Variants in LHFPL3 observed in about 807,000 individuals in gnomAD.
The protein encoded by LHFPL3 is LHFPL tetraspan subfamily member 3.
A neutral mutation model predicts 19.3 loss-of-function variants in LHFPL3; 5 were observed. The observed-to-expected ratio is 0.26, with a 90% CI of 0.14 to 0.54. The LOEUF is 0.54. LHFPL3 is among the 20% of genes least tolerant of loss of function. The pLI is 0.94. For missense variants in LHFPL3, 249 were observed against 307.4 expected, an observed-to-expected ratio of 0.81 and a Z score of 1.42; for synonymous variants, 133 against 126.2, an observed-to-expected ratio of 1.05 and a Z score of -0.36.
At chr7:104,758,096 C>T (rs190132041) in intron 2 of LHFPL3, among the ~76,000 whole-genome samples, 46 of 152,238 alleles carry the variant, frequency 3.0e-4, no homozygotes, top group Non-Finnish European at 6.2e-4. Flanking sequence ...AGCGAATTAA[C>T]AGAGGAACAA....
chr7:104,402,102 C>A (rs1252950505), intron 1 of LHFPL3, among the ~76,000 whole-genome samples: 26 of 146,540 alleles, frequency 1.8e-4, no homozygotes, highest in East Asian at 6.4e-4. Context: ...AAAAAAAAAA[C>A]AAAAAACAAC....
At position 104,633,447 on chromosome 7, in the gene LHFPL3, G is replaced by T. The variant is rs951680975; in HGVS notation, c.446-103228G>T. ...TCAGGATTAAACAAGTCTACCTGGG[G>T]CCTTCCCATAGGATGATGACTCTAA... On this transcript the variant is annotated intron_variant, in intron 1 of 2. Transcript: ENST00000424859. Among the ~76,000 whole-genome samples, 4 of 152,258 alleles carry T rather than the reference G, an allele frequency of 2.6e-5. No individual in the cohort carries two copies. In the South Asian group the frequency reaches 8.3e-4, roughly 32 times the overall value.
intron 1 of LHFPL3, among the ~76,000 whole-genome samples, chr7:104,607,410 T>C (rs1340392970): frequency 6.6e-6 from 1 of 152,192 alleles, no homozygotes; most frequent in African/African-American, 2.4e-5. Context: ...TGAAAACACA[T>C]CAAGCAATCC....
intron 1 of LHFPL3, among the ~76,000 whole-genome samples, chr7:104,586,152 G>C (rs1790571835): frequency 6.6e-6 from 1 of 152,070 alleles, no homozygotes; most frequent in Non-Finnish European, 1.5e-5. Flanking sequence ...ATTCACTTAT[G>C]TTCATTTAGA....
chr7:104,715,015 G>T (rs967631302), intron 1 of LHFPL3, among the ~76,000 whole-genome samples: 1 of 152,106 alleles, frequency 6.6e-6, no homozygotes, highest in Non-Finnish European at 1.5e-5. Context: ...TAGCTAAACT[G>T]TGAAAAAGTG....
chr7:104,387,446 T>C (rs1053362244), intron 1 of LHFPL3, among the ~76,000 whole-genome samples: 1 of 152,080 alleles, frequency 6.6e-6, no homozygotes, highest in Non-Finnish European at 1.5e-5. Flanking sequence ...AAGAGCAGAT[T>C]TGAGCTGACA....
intron 1 of LHFPL3, among the ~76,000 whole-genome samples, chr7:104,595,551 T>C (rs1295542150): frequency 6.6e-6 from 1 of 152,240 alleles, no homozygotes; most frequent in African/African-American, 2.4e-5. Flanking sequence ...CTTTCCGTTC[T>C]CAGAGCTCAA....
rs1793845795 is a variant in LHFPL3 at position 104,737,267 on chromosome 7, T to C, written c.682+356T>C. On this transcript the variant is annotated intron_variant, in intron 2 of 2. Transcript: ENST00000424859. ...CTATTTGGTTGAATGGAAAGTACTT[T>C]CTCTCCATGTATTCAGCTATGTTTC... 2.0e-5 allele frequency among the ~76,000 whole-genome samples: 3 copies of C among 152,232 alleles called. No homozygotes were observed. In the South Asian group the frequency reaches 6.2e-4, roughly 32 times the overall value.
In LHFPL3 at chr7:104,470,856, T is replaced by C. The variant is rs114792605; in HGVS notation, c.445+141632T>C. On this transcript the variant is annotated intron_variant, in intron 1 of 2. Transcript: ENST00000424859. ...CTCTTCCCTTTCATTCCAGCTCTCATTTCCGTCATCTAGTTTCTGGGGGCA... is the reference window on the plus strand; with the variant it reads ...CTCTTCCCTTTCATTCCAGCTCTCACTTCCGTCATCTAGTTTCTGGGGGCA... Among the ~76,000 whole-genome samples, 1,435 of 152,292 alleles carry C rather than the reference T, an allele frequency of 9.4e-3. 21 individuals carry two copies. Among genetic ancestry groups the C allele is most frequent in the African/African-American group, 0.032 (1,343 of 41,558 alleles).
intron 2 of LHFPL3, among the ~76,000 whole-genome samples, chr7:104,763,074 G>GTTT (rs1794403037): frequency 6.6e-6 from 1 of 152,198 alleles, no homozygotes; most frequent in African/African-American, 2.4e-5. Flanking sequence ...TCAGAACTGT[G>GTTT]ATGATGCCAA....
intron 1 of LHFPL3, among the ~76,000 whole-genome samples, chr7:104,475,671 A>C (rs1275251383): frequency 6.6e-6 from 1 of 152,208 alleles, no homozygotes; most frequent in Non-Finnish European, 1.5e-5. Flanking sequence ...TTATAATTTC[A>C]TGTTGATGAT....
At chr7:104,485,554 G>T (rs1793220934) in intron 1 of LHFPL3, among the ~76,000 whole-genome samples, 1 of 152,080 alleles carries the variant, frequency 6.6e-6, no homozygotes, top group South Asian at 2.1e-4. Flanking sequence ...TACATAAAAA[G>T]AATTTGGAAT....
intron 2 of LHFPL3, among the ~76,000 whole-genome samples, chr7:104,766,624 C>T (rs974797082): frequency 2.0e-5 from 3 of 152,144 alleles, no homozygotes; most frequent in African/African-American, 7.2e-5. Context: ...TGAAAAAGAA[C>T]CTCTTGGGTT....
intron 1 of LHFPL3, among the ~76,000 whole-genome samples, chr7:104,688,019 T>C (rs1015591356): frequency 6.6e-6 from 1 of 152,226 alleles, no homozygotes; most frequent in Non-Finnish European, 1.5e-5. Context: ...CTTCTAATAG[T>C]ATGGAGAACA....
Position 104,830,137 on chromosome 7 carries a change from A to T in LHFPL3, c.683-76050A>T, listed in dbSNP as rs1332080895. On this transcript the variant is annotated intron_variant, in intron 2 of 2. Transcript: ENST00000424859. The stretch of plus-strand genomic sequence containing the variant: ...GGCTGCATAAATGTCTTCTTTTGAG[A>T]AGTGTCTCTTCATATCCTTTGCCCA... Among the ~76,000 whole-genome samples the T allele has an allele frequency of 2.6e-5, 4 of 151,816 alleles. 1 individual carries two copies. The highest frequency in any genetic ancestry group is 9.7e-5 in the African/African-American group (4 of 41,126).
intron 1 of LHFPL3, among the ~76,000 whole-genome samples, chr7:104,365,797 A>AAAAAGAAAG (rs1554381868): frequency 2.4e-5 from 3 of 125,966 alleles, no homozygotes; most frequent in Non-Finnish European, 4.9e-5. Flanking sequence ...CAAAAAAAAA[A>AAAAAGAAAG]AAAAAAAAGA....
chr7:104,445,135 T>G (rs1792307002), intron 1 of LHFPL3, among the ~76,000 whole-genome samples: 1 of 152,240 alleles, frequency 6.6e-6, no homozygotes, highest in African/African-American at 2.4e-5. Flanking sequence ...TAATGCTATA[T>G]TGGTCATCTG....
At position 104,768,176 on chromosome 7, in the gene LHFPL3, C is replaced by T. The variant is rs374365586; in HGVS notation, c.682+31265C>T. Among the ~76,000 whole-genome samples the T allele has an allele frequency of 8.8e-5, 13 of 147,774 alleles. 1 individual carries two copies. Among genetic ancestry groups the T allele is most frequent in the African/African-American group, 3.0e-4 (12 of 40,448 alleles). On this transcript the variant is annotated intron_variant, in intron 2 of 2. Transcript: ENST00000424859. ...AAAAAAAGCAAGAACATTGCCTCTG[C>T]TTTCCTTTGACTTACTGGAAATATC...
intron 1 of LHFPL3, among the ~76,000 whole-genome samples, chr7:104,418,196 T>C (rs1791662321): frequency 6.6e-6 from 1 of 152,120 alleles, no homozygotes; most frequent in Admixed American, 6.5e-5. Flanking sequence ...TTTTCTATTG[T>C]TGTTCTTAAG....
Sources: allele counts gnomAD v4.1 joint callset (sites outside exome capture counted in the v4.1 genomes callset), GRCh38; gene constraint gnomAD v4.1.1; transcripts MANE v1.5; gene names NCBI Gene and HGNC (gene_info 2026-07-23, HGNC 2026-07-21).